CIMAP1A: variants seen among roughly 807,000 people sequenced by gnomAD.
CIMAP1A encodes ciliary microtubule associated protein 1A.
chr11:198,100 G>A, the CIMAP1A span: 19 of 1,551,836 alleles, frequency 1.2e-5, no homozygotes, highest in Admixed American at 5.9e-5. Flanking sequence ...GGAGCCCAGA[G>A]GCCCCACGCC....
the CIMAP1A span, chr11:197,222 G>A: frequency 1.1e-6 from 1 of 939,730 alleles, no homozygotes; most frequent in Non-Finnish European, 1.6e-6. Context: ...CAAGAGCAGG[G>A]TCGGGGACAT....
At chr11:198,040 G>GC in the CIMAP1A span, 1 of 1,540,796 alleles carries the variant, frequency 6.5e-7, no homozygotes, top group Non-Finnish European at 8.7e-7. Flanking sequence ...CCTGAAGTCA[G>GC]CATTTCCATC....
chr11:199,988 C>T, the CIMAP1A span: 2 of 1,613,990 alleles, frequency 1.2e-6, no homozygotes, highest in Non-Finnish European at 1.7e-6. Context: ...CCTTCGGCAT[C>T]AAACACTCTG....
At chr11:200,211 T>C in the CIMAP1A span, 40 of 602,552 alleles carry the variant, frequency 6.6e-5, no homozygotes, top group Admixed American at 2.0e-4. Context: ...CATTTTTTAA[T>C]CTTGTTTTCT....
At chr11:198,587 C>T in the CIMAP1A span, 5 of 1,603,936 alleles carry the variant, frequency 3.1e-6, no homozygotes, top group Non-Finnish European at 4.3e-6. Flanking sequence ...CTACACAAGG[C>T]AAGGGCCACC....
chr11:198,701 C>T, the CIMAP1A span: 1 of 1,499,216 alleles, frequency 6.7e-7, no homozygotes, highest in Non-Finnish European at 8.9e-7. Context: ...GCCCCCTCAG[C>T]CCTTCACCCT....
chr11:199,685 G>GCACC, the CIMAP1A span: 1 of 1,435,540 alleles, frequency 7.0e-7, no homozygotes, highest in Non-Finnish European at 9.1e-7. Context: ...GGAGGCACCT[G>GCACC]CACCCTGAGG....
chr11:199,670 G>T, the CIMAP1A span: 1 of 1,415,970 alleles, frequency 7.1e-7, no homozygotes. Flanking sequence ...GGTGGGGTGG[G>T]GATGGGAGGC....
chr11:198,629 T>C, the CIMAP1A span: 2 of 1,563,004 alleles, frequency 1.3e-6, no homozygotes, highest in South Asian at 1.2e-5. Context: ...CCCCCAACCA[T>C]CTGAACCCTC....
the CIMAP1A span, chr11:200,010 C>T: frequency 3.7e-6 from 6 of 1,614,066 alleles, no homozygotes; most frequent in African/African-American, 2.7e-5. Context: ...TTACATGACT[C>T]CCCTGCTGGT....
At chr11:199,429 C>G in the CIMAP1A span, 2 of 1,572,192 alleles carry the variant, frequency 1.3e-6, no homozygotes, top group South Asian at 1.2e-5. Flanking sequence ...CAAGGCTCCG[C>G]AGTACACCAT....
chr11:197,466 G>A, the CIMAP1A span: 3 of 1,592,528 alleles, frequency 1.9e-6, no homozygotes, highest in Non-Finnish European at 1.7e-6. Flanking sequence ...GGGCAGGTGG[G>A]GGTCCCGGGA....
the CIMAP1A span, chr11:198,196 C>G: frequency 6.2e-7 from 1 of 1,613,312 alleles, no homozygotes; most frequent in Middle Eastern, 1.6e-4. Flanking sequence ...GCTCCTTGTC[C>G]AGGTGACTAC....
chr11:198,369 G>A, the CIMAP1A span: 3 of 1,613,390 alleles, frequency 1.9e-6, no homozygotes, highest in South Asian at 1.1e-5. Context: ...TGTGACATGG[G>A]GCAGCCCGAC....
chr11:197,400 T>A, the CIMAP1A span: 3 of 1,601,988 alleles, frequency 1.9e-6, no homozygotes, highest in Non-Finnish European at 2.6e-6. Flanking sequence ...AGTACCTGAT[T>A]CCACCAACAA....
the CIMAP1A span, chr11:197,155 C>A: frequency 1.4e-5 from 7 of 518,058 alleles, no homozygotes; most frequent in South Asian, 2.6e-5. Flanking sequence ...TGGCTCCCAG[C>A]TGGAGATCCC....
At chr11:197,945 G>A in the CIMAP1A span, 7 of 1,513,474 alleles carry the variant, frequency 4.6e-6, no homozygotes, top group Non-Finnish European at 6.2e-6. Flanking sequence ...TGGCCCAAGA[G>A]TCCAGCTCCG....
chr11:198,607 A>G, the CIMAP1A span: 2 of 1,587,080 alleles, frequency 1.3e-6, no homozygotes, highest in East Asian at 4.5e-5. Context: ...CCCAACTGAG[A>G]ACAGAGAATC....
chr11:197,016 G>A, the CIMAP1A span: 12 of 253,906 alleles, frequency 4.7e-5, no homozygotes, highest in African/African-American at 2.4e-4. Context: ...GGAGAAACCG[G>A]CCCAGGGCTC....
Sources: gnomAD v4.1 joint callset for allele counts on GRCh38, gnomAD v4.1.1 for gene constraint, MANE v1.5 for transcripts, NCBI Gene and HGNC (gene_info 2026-07-23, HGNC 2026-07-21) for gene names.